WWOX: variants seen among roughly 807,000 people sequenced by gnomAD.
WWOX encodes the protein WW domain containing oxidoreductase, also known as WW domain-containing oxidoreductase.
In WWOX, 69 loss-of-function variants were observed where a neutral mutation model predicts 46.2. The observed-to-expected ratio is 1.49, with a 90% confidence interval of 1.23 to 1.82. The LOEUF (loss-of-function observed/expected upper bound fraction) is 1.82, where lower values mean the gene tolerates loss of function less well. WWOX is among the 40% of genes most tolerant of loss of function. The pLI, the probability that WWOX is intolerant of heterozygous loss-of-function variation, is 0.00. For missense variants in WWOX, 919 were observed against 542.6 expected (o/e 1.69, Z -6.89); for synonymous variants, 359 against 202.6 (o/e 1.77, Z -6.56).
At chr16:78,355,616 GTGAA>G (rs2081269753) in intron 5 of WWOX, 1 of 571,894 alleles carries the variant, frequency 1.7e-6, no homozygotes, top group East Asian at 4.3e-5. Context: ...GCGAATTTGT[GTGAA>G]AATGAGAAAC....
At chr16:78,956,474 T>G (rs1157768184) in intron 8 of WWOX, among the ~76,000 whole-genome samples, 1 of 152,142 alleles carries the variant, frequency 6.6e-6, no homozygotes, top group African/African-American at 2.4e-5. Flanking sequence ...TTTAATTGAT[T>G]AATCTACAAT....
rs1567553447 is a variant in WWOX at position 78,406,341 on chromosome 16, TATATATATATATA to T, written c.606-18528_606-18516del. Among the ~76,000 whole-genome samples, 29 of 106,484 alleles carry T rather than the reference TATATATATATATA, an allele frequency of 2.7e-4. 1 individual carries two copies. Among genetic ancestry groups the T allele is most frequent in the East Asian group, 1.4e-3 (6 of 4,144 alleles). The allele number at this position is 106,484 out of a possible 152,430, so 69.9% of individuals were successfully genotyped here. On this transcript the variant is annotated intron_variant, in intron 6 of 8. Coordinates refer to ENST00000566780, the MANE Select transcript of WWOX (RefSeq NM_016373.4). The stretch of plus-strand genomic sequence containing the variant: ...ATATATATATATATATATATATATA[TATATATATATATA>T]TTTTATTATTTTTTTTTGAGACGGA...
intron 5 of WWOX, among the ~76,000 whole-genome samples, chr16:78,186,128 A>G (rs2035694760): frequency 6.6e-6 from 1 of 152,364 alleles, no homozygotes; most frequent in Non-Finnish European, 1.5e-5. Context: ...TTCAGACAGT[A>G]TAAAAAAATC....
At chr16:78,700,706 G>A (rs2048196216) in intron 8 of WWOX, among the ~76,000 whole-genome samples, 2 of 152,134 alleles carry the variant, frequency 1.3e-5, no homozygotes, top group South Asian at 4.1e-4. Flanking sequence ...TGAGCCTGTG[G>A]CCACCTCATA....
chr16:78,590,186 A>G (rs1761689367), intron 8 of WWOX, among the ~76,000 whole-genome samples: 1 of 141,682 alleles, frequency 7.1e-6, no homozygotes, highest in Non-Finnish European at 1.5e-5. Context: ...TAGAAATAAA[A>G]AAATTATAAA....
intron 5 of WWOX, among the ~76,000 whole-genome samples, chr16:78,265,537 G>A (rs561007933): frequency 6.6e-6 from 1 of 152,078 alleles, no homozygotes; most frequent in South Asian, 2.1e-4. Flanking sequence ...AATTAGCCGG[G>A]CATGGTGGTG....
At chr16:79,201,226 C>T (rs2051343387) in intron 8 of WWOX, among the ~76,000 whole-genome samples, 1 of 152,168 alleles carries the variant, frequency 6.6e-6, no homozygotes, top group Admixed American at 6.5e-5. Context: ...CTATCTTCCT[C>T]CTGCTGATTC....
chr16:78,367,810 G>T (rs1353724392), intron 5 of WWOX, among the ~76,000 whole-genome samples: 1 of 151,836 alleles, frequency 6.6e-6, no homozygotes, highest in Non-Finnish European at 1.5e-5. Context: ...AGGCTGGAGT[G>T]CAGTGGTGCA....
At chr16:79,180,882 A>G (rs760005849) in intron 8 of WWOX, among the ~76,000 whole-genome samples, 17 of 152,368 alleles carry the variant, frequency 1.1e-4, no homozygotes, top group Non-Finnish European at 2.4e-4. Context: ...TCTAATTCCA[A>G]TACTTAATAA....
chr16:78,270,509 T>C (rs377080391), intron 5 of WWOX: 48 of 152,306 alleles, frequency 3.2e-4, no homozygotes, highest in African/African-American at 1.1e-3. Flanking sequence ...TACCGGGCTG[T>C]TCCACATCCT....
chr16:79,021,272 A>G (rs1228167320), intron 8 of WWOX, among the ~76,000 whole-genome samples: 4 of 152,190 alleles, frequency 2.6e-5, no homozygotes, highest in East Asian at 1.9e-4. Flanking sequence ...GGGCTCTACA[A>G]GGTGCTAGGG....
At chr16:78,946,623 AT>A (rs1482592507) in intron 8 of WWOX, among the ~76,000 whole-genome samples, 2 of 152,172 alleles carry the variant, frequency 1.3e-5, no homozygotes, top group African/African-American at 2.4e-5. Context: ...TTCTGTCTTC[AT>A]CCTAGGGCAC....
intron 8 of WWOX, among the ~76,000 whole-genome samples, chr16:78,726,240 T>A (rs993166260): frequency 6.6e-6 from 1 of 151,368 alleles, no homozygotes; most frequent in Non-Finnish European, 1.5e-5. Flanking sequence ...TTCTTCTTTT[T>A]TTTGGAAACA....
At chr16:78,163,586 C>T (rs1242097584) in intron 4 of WWOX, among the ~76,000 whole-genome samples, 2 of 152,172 alleles carry the variant, frequency 1.3e-5, no homozygotes, top group Non-Finnish European at 2.9e-5. Context: ...ATCTTGGCCC[C>T]CAAAATTCTT....
At chr16:78,325,422 A>G (rs1465483214) in intron 5 of WWOX, among the ~76,000 whole-genome samples, 1 of 152,142 alleles carries the variant, frequency 6.6e-6, no homozygotes, top group Admixed American at 6.5e-5. Context: ...TAAATGGAAA[A>G]ATTGCCTTTT....
rs375947182 is a variant in WWOX, at chr16:78,736,553, CCTTTT to C, written c.1056+303805_1056+303809del. On this transcript the variant is annotated intron_variant, in intron 8 of 8. Coordinates refer to ENST00000566780, the MANE Select transcript of WWOX (RefSeq NM_016373.4). The stretch of plus-strand genomic sequence containing the variant: ...GAGTATCCATGGCACACAATGTTTT[CCTTTT>C]CTTCTCTTCTCTTTCTTTCTTGTTT... Among the ~76,000 whole-genome samples, 429 of 151,706 alleles carry C rather than the reference CCTTTT, an allele frequency of 2.8e-3. 4 individuals are homozygous for C. The highest frequency in any genetic ancestry group is 0.017 in the Middle Eastern group (5 of 294).
chr16:78,692,329 G>A (rs1335816571), intron 8 of WWOX, among the ~76,000 whole-genome samples: 1 of 152,184 alleles, frequency 6.6e-6, no homozygotes, highest in Non-Finnish European at 1.5e-5. Flanking sequence ...TTTTCTGAAA[G>A]GACTTAAAGA....
intron 8 of WWOX, among the ~76,000 whole-genome samples, chr16:79,103,705 A>G (rs1414151238): frequency 6.6e-6 from 1 of 152,204 alleles, no homozygotes; most frequent in Non-Finnish European, 1.5e-5. Flanking sequence ...GGTTTTAAAC[A>G]TTATTATTAA....
At chr16:78,909,173 T>G (rs981428298) in intron 8 of WWOX, among the ~76,000 whole-genome samples, 1 of 152,208 alleles carries the variant, frequency 6.6e-6, no homozygotes, top group African/African-American at 2.4e-5. Flanking sequence ...ATCACCTTCA[T>G]AATTTTCTCC....
Sources: allele counts gnomAD v4.1 joint callset (sites outside exome capture counted in the v4.1 genomes callset), GRCh38; gene constraint gnomAD v4.1.1; transcripts MANE v1.5; gene names NCBI Gene and HGNC (gene_info 2026-07-23, HGNC 2026-07-21).